The following HERC2 variants were observed in gnomAD, a reference collection of about 807,000 sequenced individuals.
HERC2 encodes the protein HECT and RLD domain containing E3 ubiquitin protein ligase 2.
HERC2 carries 102 observed loss-of-function variants against 537.7 expected under a neutral mutation model. The ratio of observed to expected loss-of-function variants is 0.19; its 90% confidence interval spans 0.16 to 0.22. The LOEUF is 0.22. HERC2 is among the 10% of genes least tolerant of loss of function. HERC2 has a pLI of 1.00. For synonymous variants in HERC2, 2,224 were observed against 2,466.2 expected (o/e 0.90, Z 2.91); for missense variants, 4,236 against 6,198.2 (o/e 0.68, Z 10.63).
chr15:28,178,434 G>A (rs533000198), intron 59 of HERC2, among the ~76,000 whole-genome samples: 52 of 152,282 alleles, frequency 3.4e-4, no homozygotes, highest in African/African-American at 1.2e-3. Flanking sequence ...ACTCTATATT[G>A]CTTAAGCCAC....
chr15:28,228,650 C>T (rs1240016031), intron 34 of HERC2, among the ~76,000 whole-genome samples: 1 of 152,236 alleles, frequency 6.6e-6, no homozygotes, highest in Non-Finnish European at 1.5e-5. Flanking sequence ...AAACGTAATG[C>T]AGAAAGCACG....
chr15:28,191,307 C>G (rs1041410814), intron 53 of HERC2, 63 bp from the exon 54 acceptor site: 11 of 1,001,088 alleles, frequency 1.1e-5, no homozygotes, highest in Middle Eastern at 2.1e-4. Flanking sequence ...TTAGCTACTA[C>G]AATAGTATCG....
At chr15:28,316,073 A>AC in intron 2 of HERC2, 1 of 343,732 alleles carries the variant, frequency 2.9e-6, no homozygotes. Flanking sequence ...AAAAAAAAAA[A>AC]TTATCTGGGT....
At chr15:28,284,919 GAAAAAAAAAAA>G (rs551327935) in intron 4 of HERC2, among the ~76,000 whole-genome samples, 49 of 32,542 alleles carry the variant, frequency 1.5e-3, no homozygotes, top group South Asian at 2.9e-3. Flanking sequence ...CTCCGTCTCG[GAAAAAAAAAAA>G]AAAAAAAAAA....
intron 70 of HERC2, among the ~76,000 whole-genome samples, chr15:28,152,236 G>C (rs142860322): frequency 4.7e-4 from 72 of 152,348 alleles, no homozygotes; most frequent in Non-Finnish European, 8.7e-4. Context: ...CCAGATCAAA[G>C]GCCGGGGCCT....
At chr15:28,201,689 A>T (rs1897926904) in intron 47 of HERC2, 135 bp from the exon 48 acceptor site, 1 of 666,268 alleles carries the variant, frequency 1.5e-6, no homozygotes, top group African/African-American at 1.8e-5. Flanking sequence ...AAAAATCTTC[A>T]TTTAAAAAAG....
At chr15:28,157,703 A>C (rs1462430808) in intron 69 of HERC2, among the ~76,000 whole-genome samples, 1 of 152,114 alleles carries the variant, frequency 6.6e-6, no homozygotes, top group Non-Finnish European at 1.5e-5. Context: ...TCCTGGCTTC[A>C]TTGATTTTTT....
intron 55 of HERC2, among the ~76,000 whole-genome samples, chr15:28,187,993 T>C (rs565589220): frequency 6.6e-6 from 1 of 152,166 alleles, no homozygotes; most frequent in South Asian, 2.1e-4. Context: ...AACGACCTGC[T>C]CAAACCTCAA....
At chr15:28,278,503 A>AT (rs1304762054) in intron 5 of HERC2, among the ~76,000 whole-genome samples, 1 of 151,978 alleles carries the variant, frequency 6.6e-6, no homozygotes, top group Non-Finnish European at 1.5e-5. Flanking sequence ...GTTGTTTTTT[A>AT]TTGCTTTTCT....
intron 48 of HERC2, 108 bp from the exon 49 acceptor site, chr15:28,198,877 G>C (rs1596199584): frequency 9.3e-7 from 1 of 1,069,570 alleles, no homozygotes; most frequent in African/African-American, 1.6e-5. Flanking sequence ...ACTGGGCATG[G>C]TGGCTCACGT....
chr15:28,226,543 A>G (rs1239547604), intron 35 of HERC2, among the ~76,000 whole-genome samples: 1 of 152,214 alleles, frequency 6.6e-6, no homozygotes, highest in Non-Finnish European at 1.5e-5. Flanking sequence ...TGAAACAATC[A>G]GATCATCAAA....
At chr15:28,280,010 A>C (rs1160077989) in intron 5 of HERC2, 58 bp downstream of exon 5, 1 of 1,366,808 alleles carries the variant, frequency 7.3e-7, no homozygotes, top group East Asian at 2.3e-5. Context: ...TCTGAAACAA[A>C]ACAGTCTGAA....
At chr15:28,185,801 C>T (rs977510922) in intron 56 of HERC2, among the ~76,000 whole-genome samples, 4 of 152,218 alleles carry the variant, frequency 2.6e-5, no homozygotes, top group Admixed American at 1.3e-4. Flanking sequence ...AGGCTGTATG[C>T]ACTTCTTCCT....
At position 28,116,648 on chromosome 15, in the gene HERC2, G is replaced by A. The variant is rs554951229; in HGVS notation, c.13609+17C>T. 5.6e-6 allele frequency: 9 copies of A among 1,596,944 alleles called. No individual in the cohort carries two copies. Among genetic ancestry groups the A allele is most frequent in the Middle Eastern group, 3.9e-4 (2 of 5,108 alleles). ...ACAGGCCACAGCGACACAGTCTCAAGCGGCCGAGAAGCTCACCCAGGAAGC... is the reference window on the plus strand; with the variant it reads ...ACAGGCCACAGCGACACAGTCTCAAACGGCCGAGAAGCTCACCCAGGAAGC... On this transcript the variant is annotated intron_variant, in intron 88 of 92. Coordinates refer to ENST00000261609, the MANE Select transcript of HERC2 (RefSeq NM_004667.6).
chr15:28,262,142 A>G (rs1236862321), intron 15 of HERC2, among the ~76,000 whole-genome samples: 1 of 152,056 alleles, frequency 6.6e-6, no homozygotes, highest in Non-Finnish European at 1.5e-5. Context: ...TTTCTTGTCA[A>G]TTTGTCTGCC....
intron 92 of HERC2, among the ~76,000 whole-genome samples, chr15:28,112,374 T>C (rs887947859): frequency 3.3e-5 from 5 of 152,126 alleles, no homozygotes; most frequent in African/African-American, 9.7e-5. Context: ...CAGCCCAACT[T>C]TGACCCCTAC....
intron 2 of HERC2, among the ~76,000 whole-genome samples, chr15:28,305,752 TG>T (rs1181701880): frequency 7.1e-6 from 1 of 140,072 alleles, no homozygotes; most frequent in East Asian, 2.0e-4. Context: ...ACCTACAACA[TG>T]GGAGAAAATT....
chr15:28,274,556 C>T, intron 6 of HERC2, 109 bp from the exon 7 acceptor site: 2 of 1,201,790 alleles, frequency 1.7e-6, no homozygotes, highest in Admixed American at 2.5e-5. Flanking sequence ...CAATCCCTCA[C>T]TCAACAGGCC....
intron 23 of HERC2, among the ~76,000 whole-genome samples, chr15:28,245,441 G>A (rs1187236363): frequency 6.6e-6 from 1 of 151,794 alleles, no homozygotes; most frequent in East Asian, 1.9e-4. Flanking sequence ...CAGCTACTCA[G>A]GAGGCTGAGG....
Sources: gnomAD v4.1 joint callset for allele counts (sites outside exome capture counted in the v4.1 genomes callset) on GRCh38, gnomAD v4.1.1 for gene constraint, MANE v1.5 for transcripts, NCBI Gene and HGNC (gene_info 2026-07-23, HGNC 2026-07-21) for gene names.